CCNH: variants seen among roughly 807,000 people sequenced by gnomAD.
The protein encoded by CCNH is cyclin H.
A neutral mutation model predicts 41.9 loss-of-function variants in CCNH; 31 were observed. The ratio of observed to expected loss-of-function variants is 0.74; its 90% CI spans 0.56 to 1.00. CCNH has a LOEUF of 1.00. CCNH is among the 50% of genes least tolerant of loss of function. CCNH has a pLI of 0.00. For synonymous variants in CCNH, 138 were observed against 136.1 expected, an observed-to-expected ratio of 1.01 and a Z score of -0.10; for missense variants, 362 against 388.4, an observed-to-expected ratio of 0.93 and a Z score of 0.57.
intron 6 of CCNH, 39 bp downstream of exon 6, chr5:87,401,663 T>A: frequency 1.6e-6 from 2 of 1,241,258 alleles, no homozygotes; most frequent in Non-Finnish European, 2.3e-6. Flanking sequence ...GAGCTTTGTA[T>A]TGGAAGAAAC....
intron 9 of CCNH, among the ~76,000 whole-genome samples, chr5:87,384,763 C>G (rs1292997362): frequency 1.3e-5 from 2 of 152,080 alleles, no homozygotes; most frequent in Non-Finnish European, 2.9e-5. Context: ...GAAGTGCTTC[C>G]TGACTTACCT....
chr5:87,362,250 G>A (rs1024201408), intron 9 of CCNH, among the ~76,000 whole-genome samples: 1 of 152,170 alleles, frequency 6.6e-6, no homozygotes, highest in Admixed American at 6.5e-5. Context: ...ATGATTTGCT[G>A]TAAAATATAA....
chr5:87,320,993 TG>T (rs1756754478), intron 9 of CCNH, among the ~76,000 whole-genome samples: 1 of 152,220 alleles, frequency 6.6e-6, no homozygotes, highest in Admixed American at 6.5e-5. Flanking sequence ...AATAGCAATT[TG>T]TACACTTCTG....
intron 6 of CCNH, among the ~76,000 whole-genome samples, chr5:87,400,378 G>C (rs1763310029): frequency 6.6e-6 from 1 of 152,204 alleles, no homozygotes; most frequent in Non-Finnish European, 1.5e-5. Flanking sequence ...TTTAAAACAA[G>C]TGGAGCAAAA....
At chr5:87,368,050 T>G (rs999769463) in intron 9 of CCNH, among the ~76,000 whole-genome samples, 3 of 152,174 alleles carry the variant, frequency 2.0e-5, no homozygotes, top group African/African-American at 7.2e-5. Flanking sequence ...TTTAGAAAAC[T>G]CTTGGTTAGT....
At chr5:87,398,061 A>G (rs1309806736) in intron 7 of CCNH, among the ~76,000 whole-genome samples, 1 of 152,234 alleles carries the variant, frequency 6.6e-6, no homozygotes, top group Non-Finnish European at 1.5e-5. Flanking sequence ...GTGCTGCAAT[A>G]CTTTTATTCA....
At chr5:87,383,572 C>G in intron 9 of CCNH, 1 of 586,660 alleles carries the variant, frequency 1.7e-6, no homozygotes, top group Non-Finnish European at 2.9e-6. Context: ...CTTTCTGTGT[C>G]TGGGCTTTCT....
downstream of CCNH, among the ~76,000 whole-genome samples, chr5:87,315,465 T>C (rs746740528): frequency 1.3e-5 from 2 of 152,168 alleles, no homozygotes; most frequent in Admixed American, 6.5e-5. Context: ...ACAAAGGCCC[T>C]ACCACCAAAT....
upstream of CCNH, among the ~76,000 whole-genome samples, chr5:87,377,887 T>C (rs537210462): frequency 4.6e-5 from 7 of 152,342 alleles, no homozygotes; most frequent in South Asian, 1.4e-3. Flanking sequence ...ATAGATAAAA[T>C]GGTGGTCCTT....
intron 9 of CCNH, chr5:87,363,632 T>C (rs1760280637): frequency 9.3e-7 from 1 of 1,078,972 alleles, no homozygotes; most frequent in Non-Finnish European, 1.4e-6. Flanking sequence ...TCTAGGTAAT[T>C]TTTGCCTTCC....
chr5:87,329,793 T>G (rs1214909895), intron 9 of CCNH, among the ~76,000 whole-genome samples: 5 of 152,170 alleles, frequency 3.3e-5, no homozygotes, highest in African/African-American at 1.2e-4. Context: ...AAGGATAACC[T>G]AAGGATATCC....
intron 5 of CCNH, among the ~76,000 whole-genome samples, chr5:87,402,489 A>T (rs889574904): frequency 2.0e-5 from 3 of 152,216 alleles, no homozygotes; most frequent in Non-Finnish European, 1.5e-5. Context: ...AGGCGAAATG[A>T]ACAGATTCTC....
At chr5:87,371,267 G>C (rs1236475449), downstream of CCNH, among the ~76,000 whole-genome samples, 1 of 151,962 alleles carries the variant, frequency 6.6e-6, no homozygotes, top group East Asian at 1.9e-4. Context: ...GGGGGTCTCT[G>C]GTTATTCTCT....
At chr5:87,324,957 AT>A (rs973113312) in intron 9 of CCNH, among the ~76,000 whole-genome samples, 4 of 151,024 alleles carry the variant, frequency 2.6e-5, no homozygotes, top group South Asian at 4.2e-4. Context: ...TAATTTTTTT[AT>A]TTTTTTTTAA....
chr5:87,359,251 C>A (rs896132717), intron 9 of CCNH, among the ~76,000 whole-genome samples: 7 of 152,136 alleles, frequency 4.6e-5, no homozygotes, highest in African/African-American at 1.4e-4. Context: ...CATGTAACTT[C>A]TAGGGAAGAG....
At chr5:87,315,300 C>G (rs1756241161), downstream of CCNH, among the ~76,000 whole-genome samples, 1 of 152,158 alleles carries the variant, frequency 6.6e-6, no homozygotes, top group Non-Finnish European at 1.5e-5. Context: ...CAAGGGCCTT[C>G]TAGCTACATA....
downstream of CCNH, chr5:87,372,338 T>G (rs772560158): frequency 2.8e-6 from 2 of 718,590 alleles, no homozygotes; most frequent in Non-Finnish European, 4.8e-6. Context: ...AGGAAAACGT[T>G]ACTTCTTTAT....
intron 9 of CCNH, among the ~76,000 whole-genome samples, chr5:87,338,668 G>A (rs1452015703): frequency 1.3e-5 from 2 of 150,192 alleles, no homozygotes; most frequent in Admixed American, 6.6e-5. Context: ...CACAGTGCCC[G>A]GCCTATTTGT....
upstream of CCNH, among the ~76,000 whole-genome samples, chr5:87,377,994 A>G (rs1461682124): frequency 1.3e-5 from 2 of 152,226 alleles, no homozygotes; most frequent in East Asian, 1.9e-4. Flanking sequence ...AAATTAATCT[A>G]TACTGGGATT....
Sources: gnomAD v4.1 joint callset for allele counts (sites outside exome capture counted in the v4.1 genomes callset) on GRCh38, gnomAD v4.1.1 for gene constraint, MANE v1.5 for transcripts, NCBI Gene and HGNC (gene_info 2026-07-23, HGNC 2026-07-21) for gene names.